The following GRID1 variants were observed in gnomAD, a reference collection of about 807,000 sequenced individuals.
The protein encoded by GRID1 is glutamate ionotropic receptor delta type subunit 1.
GRID1 carries 28 observed loss-of-function variants against 98.0 expected under a neutral mutation model. That is an observed-to-expected ratio of 0.29 (90% CI 0.21 to 0.39). The LOEUF (loss-of-function observed/expected upper bound fraction) is 0.39, where lower values mean the gene tolerates loss of function less well. Among genes scored for constraint, GRID1 ranks in the 10% least tolerant of loss-of-function variants. The pLI, the probability that GRID1 is intolerant of heterozygous loss-of-function variation, is 1.00. For missense variants in GRID1, 1,111 were observed against 1,340.5 expected, an observed-to-expected ratio of 0.83 and a Z score of 2.67; for synonymous variants, 553 against 538.5, an observed-to-expected ratio of 1.03 and a Z score of -0.37.
intron 12 of GRID1, among the ~76,000 whole-genome samples, chr10:85,709,533 C>T (rs184784482): frequency 5.8e-4 from 88 of 152,166 alleles, no homozygotes; most frequent in African/African-American, 2.1e-3. Flanking sequence ...ACATCTAAGC[C>T]CATCAAGACT....
intron 4 of GRID1, among the ~76,000 whole-genome samples, chr10:85,969,341 A>C (rs1842377972): frequency 6.6e-6 from 1 of 152,168 alleles, no homozygotes; most frequent in Non-Finnish European, 1.5e-5. Flanking sequence ...AACCAACTAG[A>C]TTTAACAGAT....
intron 8 of GRID1, among the ~76,000 whole-genome samples, chr10:85,795,544 T>A (rs1030160258): frequency 1.3e-5 from 2 of 152,230 alleles, no homozygotes; most frequent in Non-Finnish European, 2.9e-5. Context: ...TTTTCATTTA[T>A]CATCTATACA....
At chr10:85,883,344 T>G (rs1841062511) in intron 5 of GRID1, among the ~76,000 whole-genome samples, 1 of 152,238 alleles carries the variant, frequency 6.6e-6, no homozygotes, top group Non-Finnish European at 1.5e-5. Context: ...TGAAACATAT[T>G]TAAGCACACT....
At chr10:85,788,051 TCA>T (rs1360714343) in intron 8 of GRID1, among the ~76,000 whole-genome samples, 1 of 120,680 alleles carries the variant, frequency 8.3e-6, no homozygotes, top group African/African-American at 4.4e-5. Flanking sequence ...ACTATAAACT[TCA>T]CAAAAAAAAA....
intron 2 of GRID1, among the ~76,000 whole-genome samples, chr10:86,281,133 A>C (rs1847351305): frequency 6.6e-6 from 1 of 152,190 alleles, no homozygotes; most frequent in African/African-American, 2.4e-5. Context: ...AAGCACCTCC[A>C]TCAGGGCCTG....
chr10:85,968,948 A>G (rs1374884656), intron 4 of GRID1, among the ~76,000 whole-genome samples: 1 of 152,198 alleles, frequency 6.6e-6, no homozygotes, highest in Non-Finnish European at 1.5e-5. Flanking sequence ...TCTACAAAAA[A>G]CACACTTTAG....
intron 2 of GRID1, among the ~76,000 whole-genome samples, chr10:86,327,089 T>C (rs749760870): frequency 3.3e-5 from 5 of 152,106 alleles, no homozygotes; most frequent in African/African-American, 7.2e-5. Context: ...TGAGCCGAGA[T>C]TGCACCACTG....
intron 4 of GRID1, among the ~76,000 whole-genome samples, chr10:86,000,518 C>T (rs1021737117): frequency 6.6e-6 from 1 of 152,184 alleles, no homozygotes; most frequent in African/African-American, 2.4e-5. Flanking sequence ...AATCAATTTT[C>T]AGACTCACCA....
chr10:86,243,194 C>T (rs1010682470), intron 2 of GRID1, among the ~76,000 whole-genome samples: 2 of 152,142 alleles, frequency 1.3e-5, no homozygotes, highest in African/African-American at 4.8e-5. Flanking sequence ...CAGGTGCAAA[C>T]CCAAAAGAAG....
chr10:86,255,775 T>C (rs1005593437), intron 2 of GRID1, among the ~76,000 whole-genome samples: 1 of 152,178 alleles, frequency 6.6e-6, no homozygotes, highest in African/African-American at 2.4e-5. Context: ...CACTCACTTG[T>C]GCTGGGCTGA....
chr10:86,052,556 T>C (rs1283277717), intron 4 of GRID1: 2 of 152,190 alleles, frequency 1.3e-5, no homozygotes, highest in Non-Finnish European at 2.9e-5. Context: ...GAATACCAGG[T>C]GCTGTCGGCT....
At chr10:86,071,151 A>G (rs61856055) in intron 4 of GRID1, among the ~76,000 whole-genome samples, 5,601 of 152,328 alleles carry the variant, frequency 0.037, 127 homozygotes, top group Non-Finnish European at 0.05. Context: ...AACAGGCTCA[A>G]TTGGAGAATG....
chr10:85,642,778 T>G (rs1843138689), intron 13 of GRID1, among the ~76,000 whole-genome samples: 1 of 152,226 alleles, frequency 6.6e-6, no homozygotes, highest in Non-Finnish European at 1.5e-5. Context: ...TTGCTACTGA[T>G]TTTTTAACAT....
In GRID1 at chr10:86,046,844, A is replaced by G. The variant is rs1843431131; in HGVS notation, c.726+91975T>C. On this transcript the variant is annotated intron_variant, in intron 4 of 15. Coordinates refer to ENST00000327946, the MANE Select transcript of GRID1 (RefSeq NM_017551.3). ...TTTGAATCCCAACAATAATGCCACA[A>G]ATTTTTAAGCCCATTTCAAAAAAAA... is the stretch of plus-strand genomic sequence containing the variant. Among the ~76,000 whole-genome samples the G allele has an allele frequency of 2.7e-5, 4 of 146,798 alleles. No individual in the cohort carries two copies. The Admixed American group carries it at 2.8e-4, about 10-fold the overall frequency.
chr10:86,130,704 A>G (rs1258330323), intron 4 of GRID1, among the ~76,000 whole-genome samples: 1 of 152,178 alleles, frequency 6.6e-6, no homozygotes, highest in Non-Finnish European at 1.5e-5. Flanking sequence ...TGCATTTACC[A>G]TCCTTTAACT....
At chr10:85,738,062 C>G (rs1841904592) in intron 8 of GRID1, among the ~76,000 whole-genome samples, 1 of 152,080 alleles carries the variant, frequency 6.6e-6, no homozygotes, top group Non-Finnish European at 1.5e-5. Context: ...TACTCATCAG[C>G]TCTTCTCCAC....
chr10:86,270,300 C>T (rs1395939672), intron 2 of GRID1, among the ~76,000 whole-genome samples: 12 of 152,156 alleles, frequency 7.9e-5, no homozygotes, highest in Admixed American at 7.2e-4. Context: ...CACTATCCAC[C>T]TCACTCCAAC....
chr10:85,740,215 C>G (rs189875970), intron 8 of GRID1, among the ~76,000 whole-genome samples: 1 of 152,112 alleles, frequency 6.6e-6, no homozygotes, highest in African/African-American at 2.4e-5. Context: ...CACAGATGAG[C>G]TTGGGGACCT....
At chr10:85,769,700 A>G (rs892727684) in intron 8 of GRID1, among the ~76,000 whole-genome samples, 2 of 152,162 alleles carry the variant, frequency 1.3e-5, no homozygotes, top group Admixed American at 6.5e-5. Context: ...AGGGTCCTAC[A>G]CCCACGGAGT....
Sources: allele counts gnomAD v4.1 joint callset (sites outside exome capture counted in the v4.1 genomes callset), GRCh38; gene constraint gnomAD v4.1.1; transcripts MANE v1.5; gene names NCBI Gene and HGNC (gene_info 2026-07-23, HGNC 2026-07-21).